The following BCCIP variants were observed in gnomAD, a reference collection of about 807,000 sequenced individuals.
BCCIP encodes the protein BRCA2 and CDKN1A-interacting protein.
A neutral mutation model predicts 32.8 loss-of-function variants in BCCIP; 23 were observed. The ratio of observed to expected loss-of-function variants is 0.70; its 90% confidence interval spans 0.51 to 0.99. The LOEUF (loss-of-function observed/expected upper bound fraction) is 0.99. BCCIP is among the 50% of genes least tolerant of loss of function. BCCIP has a pLI of 0.00. For missense variants in BCCIP, 378 were observed against 379.8 expected, an observed-to-expected ratio of 1.00 and a Z score of 0.04; for synonymous variants, 144 against 137.6, an observed-to-expected ratio of 1.05 and a Z score of -0.33.
downstream of BCCIP, chr10:125,840,887 G>A (rs17153657): frequency 2.9e-4 from 463 of 1,608,312 alleles, 1 homozygote; most frequent in Non-Finnish European, 3.4e-4. Context: ...GGTAAGCCTT[G>A]TAAATGCTGA....
intron 7 of BCCIP, among the ~76,000 whole-genome samples, chr10:125,851,939 AAAG>A (rs922516271): frequency 2.0e-5 from 3 of 151,288 alleles, no homozygotes; most frequent in African/African-American, 7.3e-5. Flanking sequence ...AAAAAAAAAA[AAAG>A]AAAAGAAAAA....
chr10:125,840,977 A>G, downstream of BCCIP: 1 of 1,604,262 alleles, frequency 6.2e-7, no homozygotes, highest in South Asian at 1.1e-5. Context: ...CATGTGGCAC[A>G]TGTGAAAAGC....
downstream of BCCIP, chr10:125,841,225 A>C: frequency 6.2e-7 from 1 of 1,600,714 alleles, no homozygotes; most frequent in South Asian, 1.1e-5. Flanking sequence ...TCAACTGAAT[A>C]TGGTTAATAT....
In BCCIP at chr10:125,827,635, T is replaced by A. The variant is rs758504592; in HGVS notation, c.318T>A (p.Ile106=). 10 of 1,598,004 alleles carry A rather than the reference T, an allele frequency of 6.3e-6. No homozygotes were observed. Among genetic ancestry groups the A allele is most frequent in the Non-Finnish European group, 7.7e-6 (9 of 1,165,516 alleles). Residue 106 remains isoleucine, a synonymous_variant, in exon 3 of 7, where the codon ATT becomes ATA. Transcript: ENST00000278100. ...AACAGAACCATATTGGGAGTGTGATTAAGGTAAGTAGGATAATTGTGTTTA... is the reference window on the plus strand; with the variant it reads ...AACAGAACCATATTGGGAGTGTGATAAAGGTAAGTAGGATAATTGTGTTTA... ...LIQQNHIGSV[I]KQTDVSEDSN...
intron 3 of BCCIP, among the ~76,000 whole-genome samples, chr10:125,827,862 C>T (rs1854434900): frequency 6.6e-6 from 1 of 151,150 alleles, no homozygotes; most frequent in East Asian, 2.0e-4. Flanking sequence ...GTCTTTTTAC[C>T]CAGGTGGCTG....
At chr10:125,830,719 G>C (rs1357855880) in intron 4 of BCCIP, 68 bp downstream of exon 4, 14 of 908,428 alleles carry the variant, frequency 1.5e-5, no homozygotes, top group Non-Finnish European at 2.3e-5. Context: ...TTAATGCATG[G>C]TGAAAATGTC....
At chr10:125,832,849 T>C (rs1184362961) in intron 5 of BCCIP, among the ~76,000 whole-genome samples, 1 of 150,476 alleles carries the variant, frequency 6.6e-6, no homozygotes, top group African/African-American at 2.4e-5. Context: ...GTGTGGTGGC[T>C]GACACTTGTA....
Position 125,834,056 on chromosome 10 carries a change from ACT to A in BCCIP, c.774+113_774+114del, listed in dbSNP as rs1854591205. ...AGGTCCAAGTCTTTCAAGTGTGGCT[ACT>A]CTGTTTTTCTGTTTCCCCACAGGAC... is the stretch of plus-strand genomic sequence containing the variant. On this transcript the variant is annotated intron_variant, in intron 6 of 6. Coordinates refer to ENST00000278100, the MANE Select transcript of BCCIP (RefSeq NM_078468.3). 3.0e-5 allele frequency: 37 copies of A among 1,248,766 alleles called. No homozygotes were observed. The South Asian group carries it at 4.7e-4, about 16-fold the overall frequency. The allele number at this position is 1,248,766 out of a possible 1,614,324, so 77.4% of individuals were successfully genotyped here.
At chr10:125,840,931 A>G (rs1035836371), downstream of BCCIP, 4 of 1,612,578 alleles carry the variant, frequency 2.5e-6, no homozygotes, top group African/African-American at 5.3e-5. Context: ...GGATGTAAAA[A>G]TGTCTTCCAA....
At chr10:125,836,060 T>C in intron 6 of BCCIP, 44 bp from the exon 7 acceptor site, 2 of 1,540,328 alleles carry the variant, frequency 1.3e-6, no homozygotes, top group Non-Finnish European at 1.8e-6. Context: ...GTTTTGTCTT[T>C]GGGTTGTCCC....
downstream of BCCIP, among the ~76,000 whole-genome samples, chr10:125,837,348 T>C (rs561939290): frequency 6.6e-6 from 1 of 152,366 alleles, no homozygotes; most frequent in South Asian, 2.1e-4. Flanking sequence ...CCAGACTCTG[T>C]ACTGGCCTCT....
intron 3 of BCCIP, among the ~76,000 whole-genome samples, chr10:125,828,917 C>T (rs1172800211): frequency 1.3e-5 from 2 of 152,198 alleles, no homozygotes; most frequent in Non-Finnish European, 2.9e-5. Flanking sequence ...TTAGCTGGGA[C>T]TCTGGACCAG....
At chr10:125,842,038 A>G (rs964895061) in exon 7 of BCCIP, 2 of 1,351,132 alleles carry the variant, frequency 1.5e-6, no homozygotes, top group Admixed American at 6.6e-5. Flanking sequence ...ACAATGGACA[A>G]AATATGTGAA....
downstream of BCCIP, chr10:125,840,803 A>C: frequency 6.5e-7 from 1 of 1,527,546 alleles, no homozygotes; most frequent in Non-Finnish European, 8.8e-7. Flanking sequence ...TTATCTAGGG[A>C]AAGGAAGGTG....
At chr10:125,839,890 A>G (rs191005003), downstream of BCCIP, among the ~76,000 whole-genome samples, 5 of 152,300 alleles carry the variant, frequency 3.3e-5, no homozygotes, top group East Asian at 9.6e-4. Context: ...CGGAGCAACC[A>G]CAGCATGTAC....
chr10:125,841,416 C>A, downstream of BCCIP: 1 of 1,594,214 alleles, frequency 6.3e-7, no homozygotes, highest in Non-Finnish European at 8.6e-7. Flanking sequence ...AACAGGCACA[C>A]AACATTATTT....
At chr10:125,830,751 T>A in intron 4 of BCCIP, 100 bp downstream of exon 4, 1 of 729,448 alleles carries the variant, frequency 1.4e-6, no homozygotes, top group Non-Finnish European at 2.4e-6. Flanking sequence ...ACAGTGATAT[T>A]AACTATAGGG....
intron 7 of BCCIP, among the ~76,000 whole-genome samples, chr10:125,849,494 G>C (rs868023341): frequency 1.3e-5 from 2 of 152,312 alleles, no homozygotes; most frequent in South Asian, 2.1e-4. Flanking sequence ...CCTCATCTGA[G>C]TATAGTAGTA....
chr10:125,841,593 A>C, exon 7 of BCCIP: 4 of 1,446,670 alleles, frequency 2.8e-6, no homozygotes, highest in Non-Finnish European at 3.6e-6. Context: ...CTAACCTATT[A>C]AAATACCTCA....
Sources: allele counts gnomAD v4.1 joint callset (sites outside exome capture counted in the v4.1 genomes callset), GRCh38; gene constraint gnomAD v4.1.1; transcripts MANE v1.5; gene names NCBI Gene and HGNC (gene_info 2026-07-23, HGNC 2026-07-21).